The following RBM6 variants were observed in gnomAD, a reference collection of about 807,000 sequenced individuals.
RBM6 encodes RNA binding motif protein 6.
A neutral mutation model predicts 140.4 loss-of-function variants in RBM6; 23 were observed. That is an observed-to-expected ratio of 0.16 (90% CI 0.12 to 0.23). The LOEUF is 0.23. Ranked by LOEUF, RBM6 falls within the 10% of genes least tolerant of loss-of-function variation. The probability of loss-of-function intolerance (pLI) is 1.00; values close to 1 mark genes in which losing one functional copy is unlikely to be tolerated. For synonymous variants in RBM6, 439 were observed against 475.6 expected, an observed-to-expected ratio of 0.92 and a Z score of 1.00; for missense variants, 1,139 against 1,386.7, an observed-to-expected ratio of 0.82 and a Z score of 2.84.
At chr3:50,033,604 G>C (rs951125931) in intron 6 of RBM6, among the ~76,000 whole-genome samples, 6 of 152,056 alleles carry the variant, frequency 3.9e-5, no homozygotes, top group African/African-American at 1.4e-4. Context: ...TTACTGTATG[G>C]TAAAGACCAT....
At chr3:50,014,997 C>T (rs1285409990) in intron 6 of RBM6, among the ~76,000 whole-genome samples, 3 of 134,752 alleles carry the variant, frequency 2.2e-5, no homozygotes, top group Non-Finnish European at 3.0e-5. Flanking sequence ...TGCGGTGAGC[C>T]GAGATCACGC....
At chr3:49,988,533 A>G (rs2108696182) in intron 5 of RBM6, among the ~76,000 whole-genome samples, 1 of 152,100 alleles carries the variant, frequency 6.6e-6, no homozygotes, top group East Asian at 1.9e-4. Context: ...TATATATTTT[A>G]TGGTTCATTC....
chr3:49,988,645 T>C (rs1238352895), intron 5 of RBM6, among the ~76,000 whole-genome samples: 1 of 152,170 alleles, frequency 6.6e-6, no homozygotes, highest in African/African-American at 2.4e-5. Context: ...CATTTATTAG[T>C]AGTGAGTTTT....
chr3:49,972,116 AGTGGG>A lies in RBM6; in HGVS notation c.1384_1388del (p.Gly462ThrfsTer2). On this transcript the variant is annotated frameshift_variant, in exon 4 of 21. Transcript: ENST00000266022. LOFTEE classifies it high-confidence loss of function. ...GAAACCCAGCAGGCTTATTCGATTA[AGTGGG>A]GTACCTGAAGATGCCACAAAAGAAG... 1 of 1,613,426 alleles carries A rather than the reference AGTGGG, an allele frequency of 6.2e-7. No homozygotes were observed. Among genetic ancestry groups the A allele is most frequent in the Non-Finnish European group, 8.5e-7 (1 of 1,179,384 alleles).
At position 50,048,227 on chromosome 3, in the gene RBM6, C is replaced by T; in HGVS notation, c.1558-18C>T. 6.2e-7 allele frequency: 1 copy of T among 1,611,326 alleles called. No homozygotes were observed. ...CTCCAAGGGTTGATGTTGATGGCTT[C>T]TGTCTTTGTCTTTACAGGGAACTCT... On this transcript the variant is annotated intron_variant, in intron 6 of 20. Coordinates refer to ENST00000266022, the MANE Select transcript of RBM6 (RefSeq NM_005777.3).
At chr3:49,982,769 G>A (rs570234574) in intron 5 of RBM6, among the ~76,000 whole-genome samples, 24 of 151,406 alleles carry the variant, frequency 1.6e-4, no homozygotes, top group Admixed American at 4.0e-4. Flanking sequence ...CCAGGCTGGA[G>A]TGCAGTGGTG....
At position 49,968,374 on chromosome 3, in the gene RBM6, A is replaced by T; in HGVS notation, c.949A>T (p.Thr317Ser). 6.2e-7 allele frequency: 1 copy of T among 1,614,208 alleles called. No homozygotes were observed. Residue 317 changes from threonine (T) to serine (S), a missense_variant, in exon 3 of 21, where the codon ACA (threonine) becomes TCA (serine). By Grantham distance (58) the Thr-to-Ser change is moderately conservative. Coordinates refer to ENST00000266022, the MANE Select transcript of RBM6 (RefSeq NM_005777.3). ...GMNVNRREES[T>S]HDHTIERPAF... ...GAATGTGAACAGGAGAGAAGAATCC[A>T]CACATGACCATACGATAGAAAGGCC...
intron 7 of RBM6, among the ~76,000 whole-genome samples, chr3:50,048,862 G>A (rs1284429571): frequency 3.9e-5 from 6 of 152,108 alleles, no homozygotes; most frequent in African/African-American, 1.4e-4. Context: ...GAGTGCAATG[G>A]CGTGATTTCC....
At chr3:49,944,899 C>T (rs1361487464) in intron 1 of RBM6, among the ~76,000 whole-genome samples, 1 of 145,852 alleles carries the variant, frequency 6.9e-6, no homozygotes, top group African/African-American at 2.5e-5. Context: ...TTTTTTGAGA[C>T]GGATTCTTGC....
intron 6 of RBM6, among the ~76,000 whole-genome samples, chr3:50,045,321 T>G (rs1043817989): frequency 2.6e-5 from 4 of 152,192 alleles, no homozygotes; most frequent in African/African-American, 9.7e-5. Flanking sequence ...ACAACCCACA[T>G]GTTTTATGGA....
Position 49,967,326 on chromosome 3 carries a change from T to G in RBM6, c.45-144T>G. 1 of 1,434,622 alleles carries G rather than the reference T, an allele frequency of 7.0e-7. No individual in the cohort carries two copies. Among genetic ancestry groups the G allele is most frequent in the Non-Finnish European group, 9.1e-7 (1 of 1,095,248 alleles). The allele number at this position is 1,434,622 out of a possible 1,614,324, so 88.9% of individuals were successfully genotyped here. A position where few individuals can be genotyped will look rare whatever the true frequency, so the allele number is the denominator to read the frequency against. ...TTAAAATAGCAAAACTTTGCTGTTT[T>G]CTGCAGATCTAGGACCTTGTTACAG... On this transcript the variant is annotated intron_variant, in intron 2 of 20. Transcript: ENST00000266022. This position sits in a 1 kb window ranked among gnomAD's most constrained non-coding sequence, Gnocchi z 4.0.
chr3:50,017,785 A>G (rs1441957083), intron 6 of RBM6, among the ~76,000 whole-genome samples: 1 of 152,070 alleles, frequency 6.6e-6, no homozygotes, highest in Non-Finnish European at 1.5e-5. Flanking sequence ...GTTTGACGCA[A>G]TTCCATTTGT....
intron 4 of RBM6, 39 bp from the exon 5 acceptor site, chr3:49,975,284 A>G (rs2085013731): frequency 6.8e-7 from 1 of 1,472,200 alleles, no homozygotes; most frequent in African/African-American, 1.4e-5. Context: ...GTGTTTGATT[A>G]TGATTTGTAT....
chr3:50,005,724 C>T (rs186426229), intron 6 of RBM6, among the ~76,000 whole-genome samples: 1 of 152,270 alleles, frequency 6.6e-6, no homozygotes, highest in East Asian at 1.9e-4. Context: ...ACAACTATCA[C>T]CCCAAAAACA....
chr3:49,961,811 A>G (rs1246224708), intron 1 of RBM6, among the ~76,000 whole-genome samples: 1 of 151,340 alleles, frequency 6.6e-6, no homozygotes, highest in African/African-American at 2.4e-5. Flanking sequence ...AAAAAAAAAA[A>G]AAAGTATTTT....
chr3:49,980,606 AC>A (rs2085263409), intron 5 of RBM6, among the ~76,000 whole-genome samples: 1 of 151,598 alleles, frequency 6.6e-6, no homozygotes, highest in Non-Finnish European at 1.5e-5. Flanking sequence ...ACTAAAAAAT[AC>A]AAAAATTAGC....
intron 5 of RBM6, among the ~76,000 whole-genome samples, chr3:49,984,606 ACATCACATCGCATCGCATCGCATCG>A (rs2085463516): frequency 3.0e-5 from 3 of 99,144 alleles, no homozygotes; most frequent in African/African-American, 9.8e-5. Context: ...ACATCACATC[ACATCACATCGCATCGCATCGCATCG>A]CATCGCATCG....
intron 19 of RBM6, among the ~76,000 whole-genome samples, chr3:50,070,807 G>T (rs2090277337): frequency 6.6e-6 from 1 of 152,164 alleles, no homozygotes; most frequent in African/African-American, 2.4e-5. Context: ...AACCCTTTCT[G>T]TCTTCATCAG....
At chr3:49,992,225 T>C (rs2108711540) in intron 5 of RBM6, among the ~76,000 whole-genome samples, 1 of 152,260 alleles carries the variant, frequency 6.6e-6, no homozygotes, top group African/African-American at 2.4e-5. Flanking sequence ...ATGTTGGGAT[T>C]ACGGGCGTGA....
Sources: allele counts gnomAD v4.1 joint callset (sites outside exome capture counted in the v4.1 genomes callset), GRCh38; gene constraint gnomAD v4.1.1; non-coding constraint Gnocchi (gnomAD v3.1); transcripts MANE v1.5; gene names NCBI Gene and HGNC (gene_info 2026-07-23, HGNC 2026-07-21).